Variants in SUPT3H observed in about 807,000 individuals in gnomAD.
The protein encoded by SUPT3H is transcription initiation protein SPT3 homolog.
Under a neutral mutation model 44.3 loss-of-function variants are expected in SUPT3H, and 44 were observed. The observed-to-expected ratio is 0.99, with a 90% CI of 0.78 to 1.28. The LOEUF (loss-of-function observed/expected upper bound fraction) is 1.28. Among genes scored for constraint, SUPT3H ranks in the 50% most tolerant of loss-of-function variants. SUPT3H has a pLI of 0.00. For missense variants in SUPT3H, 380 were observed against 387.1 expected (o/e 0.98, Z 0.15); for synonymous variants, 124 against 125.6 (o/e 0.99, Z 0.09).
chr6:44,980,442 T>C (rs1778942747), intron 6 of SUPT3H, among the ~76,000 whole-genome samples: 1 of 152,178 alleles, frequency 6.6e-6, no homozygotes, highest in African/African-American at 2.4e-5. Flanking sequence ...TGAGGGCTTA[T>C]TGTACTAAGG....
chr6:45,327,521 T>C (rs1169190243), intron 2 of SUPT3H, among the ~76,000 whole-genome samples: 1 of 151,988 alleles, frequency 6.6e-6, no homozygotes, highest in Non-Finnish European at 1.5e-5. Context: ...CTGTCATTCA[T>C]TTTTTTAAGA....
In SUPT3H at chr6:45,263,951, G is replaced by A. The variant is rs534396141; in HGVS notation, c.101+101250C>T. Reference sequence around the variant, plus strand: ...GATCAGTAACTTGTACTTAAACATCGATTATGTACATCATTTGAATACCTT... The same window carrying A: ...GATCAGTAACTTGTACTTAAACATCAATTATGTACATCATTTGAATACCTT... On this transcript the variant is annotated intron_variant, in intron 2 of 10. Transcript: ENST00000371459. Among the ~76,000 whole-genome samples the A allele has an allele frequency of 1.1e-4, 17 of 152,082 alleles. No homozygotes were observed. In the South Asian group the frequency reaches 1.5e-3, roughly 13 times the overall value.
intron 10 of SUPT3H, among the ~76,000 whole-genome samples, chr6:44,857,102 T>G (rs1488748460): frequency 6.6e-6 from 1 of 151,628 alleles, no homozygotes; most frequent in Non-Finnish European, 1.5e-5. Flanking sequence ...TATTAAAAAT[T>G]CAGATTTTCA....
chr6:45,041,788 A>C (rs776493666), intron 3 of SUPT3H, among the ~76,000 whole-genome samples: 1 of 152,192 alleles, frequency 6.6e-6, no homozygotes, highest in Non-Finnish European at 1.5e-5. Context: ...GGATATTGTA[A>C]AGATATCTGT....
At chr6:44,897,439 T>G (rs573135293) in intron 10 of SUPT3H, among the ~76,000 whole-genome samples, 1 of 152,298 alleles carries the variant, frequency 6.6e-6, no homozygotes, top group African/African-American at 2.4e-5. Flanking sequence ...CAACAGAAAT[T>G]TCCTCTTTTG....
chr6:45,083,003 A>G (rs1234690149), intron 3 of SUPT3H, among the ~76,000 whole-genome samples: 1 of 152,084 alleles, frequency 6.6e-6, no homozygotes, highest in Non-Finnish European at 1.5e-5. Context: ...AAGCCAAATC[A>G]AGAACACAAT....
chr6:45,024,812 T>G (rs1308684988), intron 3 of SUPT3H, among the ~76,000 whole-genome samples: 2 of 152,180 alleles, frequency 1.3e-5, no homozygotes, highest in Admixed American at 6.5e-5. Context: ...TCCAATCAGT[T>G]GAAGACATGG....
At chr6:45,064,953 A>G (rs902384888) in intron 3 of SUPT3H, among the ~76,000 whole-genome samples, 7 of 150,018 alleles carry the variant, frequency 4.7e-5, no homozygotes, top group Non-Finnish European at 8.9e-5. Context: ...CTCTGCACCA[A>G]GTGGACCTAA....
chr6:45,236,046 T>C (rs62400289), intron 2 of SUPT3H, among the ~76,000 whole-genome samples: 34,566 of 152,142 alleles, frequency 0.23, 4,621 homozygotes, highest in Non-Finnish European at 0.31. Context: ...AGTTAATCTG[T>C]AATCTATAGA....
At chr6:45,261,470 GA>G (rs150662256) in intron 2 of SUPT3H, among the ~76,000 whole-genome samples, 20,404 of 146,062 alleles carry the variant, frequency 0.14, 1,572 homozygotes, top group East Asian at 0.26. Context: ...AACAAAATCA[GA>G]AAAAAAAAAC....
chr6:45,031,973 T>C (rs537222421), intron 3 of SUPT3H, among the ~76,000 whole-genome samples: 2 of 152,204 alleles, frequency 1.3e-5, no homozygotes, highest in Admixed American at 6.5e-5. Context: ...TTCTATTCAA[T>C]AGTTCCAGGT....
chr6:45,274,706 C>A (rs989043023), intron 2 of SUPT3H, among the ~76,000 whole-genome samples: 1 of 152,028 alleles, frequency 6.6e-6, no homozygotes, highest in African/African-American at 2.4e-5. Flanking sequence ...CACGGTGAAA[C>A]CCTGTCTGTA....
chr6:44,877,538 T>C (rs1777513163), intron 10 of SUPT3H, among the ~76,000 whole-genome samples: 1 of 151,956 alleles, frequency 6.6e-6, no homozygotes, highest in Admixed American at 6.6e-5. Context: ...GGTAAGCAGA[T>C]TATTTCCACA....
intron 2 of SUPT3H, among the ~76,000 whole-genome samples, chr6:45,246,674 G>C (rs1463674941): frequency 6.6e-6 from 1 of 152,022 alleles, no homozygotes; most frequent in Non-Finnish European, 1.5e-5. Context: ...ATCAACAAAA[G>C]GAAGGTACCT....
intron 4 of SUPT3H, among the ~76,000 whole-genome samples, chr6:45,019,546 G>T (rs947400247): frequency 6.6e-6 from 1 of 151,886 alleles, no homozygotes; most frequent in Non-Finnish European, 1.5e-5. Flanking sequence ...TTTGTAGCTT[G>T]TTCTATGCTT....
chr6:45,110,226 C>T (rs941127506), intron 2 of SUPT3H, among the ~76,000 whole-genome samples: 2 of 152,136 alleles, frequency 1.3e-5, no homozygotes, highest in Non-Finnish European at 2.9e-5. Flanking sequence ...CTCACTTCAA[C>T]CTAGGGCAAC....
chr6:45,068,222 C>T (rs1451858468), intron 3 of SUPT3H, among the ~76,000 whole-genome samples: 1 of 146,750 alleles, frequency 6.8e-6, no homozygotes, highest in Admixed American at 6.8e-5. Flanking sequence ...AACAAAAAAC[C>T]AAACACGGCA....
At chr6:44,847,340 TTAAA>T (rs1246083059) in intron 10 of SUPT3H, among the ~76,000 whole-genome samples, 1 of 152,256 alleles carries the variant, frequency 6.6e-6, no homozygotes, top group African/African-American at 2.4e-5. Flanking sequence ...TAGCTGTTAC[TTAAA>T]TATTTACTAC....
At chr6:45,188,201 T>C (rs539204101) in intron 2 of SUPT3H, among the ~76,000 whole-genome samples, 1 of 152,386 alleles carries the variant, frequency 6.6e-6, no homozygotes, top group South Asian at 2.1e-4. Flanking sequence ...TGCTGGCAAT[T>C]CCAATTTGCC....
Sources: allele counts gnomAD v4.1 joint callset (sites outside exome capture counted in the v4.1 genomes callset), GRCh38; gene constraint gnomAD v4.1.1; transcripts MANE v1.5; gene names NCBI Gene and HGNC (gene_info 2026-07-23, HGNC 2026-07-21).